The following TPD52L1 variants were observed in gnomAD, a reference collection of about 807,000 sequenced individuals.
TPD52L1 encodes TPD52 like 1, also known as tumor protein D53.
TPD52L1 carries 18 observed loss-of-function variants against 28.7 expected under a neutral mutation model. That is an observed-to-expected ratio of 0.63 (90% CI 0.43 to 0.93). The LOEUF is 0.93. TPD52L1 is among the 40% of genes least tolerant of loss of function. The pLI is 0.00. For missense variants in TPD52L1, 203 were observed against 254.8 expected (o/e 0.80, Z 1.39); for synonymous variants, 75 against 88.8 (o/e 0.84, Z 0.88).
intron 1 of TPD52L1, among the ~76,000 whole-genome samples, chr6:125,189,349 T>A (rs958143669): frequency 2.0e-5 from 3 of 152,212 alleles, no homozygotes; most frequent in Admixed American, 6.5e-5. Context: ...AGGTGACTTA[T>A]GTACAGGCAT....
intron 1 of TPD52L1, among the ~76,000 whole-genome samples, chr6:125,214,053 G>A (rs1794695939): frequency 6.6e-6 from 1 of 152,192 alleles, no homozygotes; most frequent in Non-Finnish European, 1.5e-5. Context: ...GTAGAAGGGA[G>A]CTACCTAATG....
At chr6:125,186,771 G>A in intron 1 of TPD52L1, among the ~76,000 whole-genome samples, 1 of 152,156 alleles carries the variant, frequency 6.6e-6, no homozygotes, top group Non-Finnish European at 1.5e-5. Context: ...CTCAGCCACA[G>A]AAAAGTCAAA....
At chr6:125,156,320 G>A (rs1790115963) in intron 1 of TPD52L1, among the ~76,000 whole-genome samples, 1 of 151,852 alleles carries the variant, frequency 6.6e-6, no homozygotes, top group African/African-American at 2.4e-5. Flanking sequence ...AACAGAATTA[G>A]CTGAGTGTGG....
intron 3 of TPD52L1, among the ~76,000 whole-genome samples, chr6:125,238,706 G>A (rs1796432732): frequency 6.6e-6 from 1 of 152,130 alleles, no homozygotes; most frequent in African/African-American, 2.4e-5. Context: ...GTATTCCATG[G>A]TATGTAGGAA....
At chr6:125,215,610 C>T (rs1794807834) in intron 1 of TPD52L1, among the ~76,000 whole-genome samples, 3 of 152,126 alleles carry the variant, frequency 2.0e-5, no homozygotes, top group Non-Finnish European at 4.4e-5. Flanking sequence ...CGTGATGTCT[C>T]TGAGGAGTGG....
chr6:125,238,888 T>A (rs149812606), intron 3 of TPD52L1, among the ~76,000 whole-genome samples: 151 of 152,370 alleles, frequency 9.9e-4, no homozygotes, highest in African/African-American at 3.5e-3. Context: ...TTGATGGGCA[T>A]GTAAGCTGGT....
intron 1 of TPD52L1, among the ~76,000 whole-genome samples, chr6:125,198,708 T>C (rs1284728705): frequency 6.6e-6 from 1 of 152,248 alleles, no homozygotes; most frequent in East Asian, 1.9e-4. Flanking sequence ...ATTATGAGCA[T>C]GCAGCTGTCT....
At chr6:125,237,339 C>T (rs985762310) in intron 3 of TPD52L1, among the ~76,000 whole-genome samples, 4 of 152,048 alleles carry the variant, frequency 2.6e-5, no homozygotes, top group Admixed American at 2.0e-4. Flanking sequence ...GTGATGATGG[C>T]GGCTTGAACT....
At chr6:125,259,845 T>C (rs1232478410) in intron 6 of TPD52L1, 1 of 152,190 alleles carries the variant, frequency 6.6e-6, no homozygotes, top group Non-Finnish European at 1.5e-5. Context: ...AAGTGACAAA[T>C]ACTTGGATGA....
chr6:125,154,270 C>G (rs1789962670), intron 1 of TPD52L1: 1 of 1,207,180 alleles, frequency 8.3e-7, no homozygotes, highest in African/African-American at 1.6e-5. Context: ...TTCCCAACCT[C>G]GCGGCTGCCC....
At chr6:125,184,710 T>A (rs941533957) in intron 1 of TPD52L1, among the ~76,000 whole-genome samples, 1 of 151,864 alleles carries the variant, frequency 6.6e-6, no homozygotes, top group African/African-American at 2.4e-5. Context: ...ACTTATAGAA[T>A]TGAAAACAAT....
intron 2 of TPD52L1, among the ~76,000 whole-genome samples, chr6:125,224,943 T>C (rs1418208578): frequency 1.3e-5 from 2 of 152,234 alleles, no homozygotes; most frequent in Non-Finnish European, 2.9e-5. Context: ...GCACTCACAG[T>C]GTTGTGTTGT....
chr6:125,172,595 TTATATATATAAA>T (rs1791562795), intron 1 of TPD52L1, among the ~76,000 whole-genome samples: 2 of 99,272 alleles, frequency 2.0e-5, no homozygotes, highest in East Asian at 5.2e-4. Context: ...ATATATACAA[TTATATATATAAA>T]TATATATAAT....
chr6:125,187,573 T>G (rs1207173428), intron 1 of TPD52L1, among the ~76,000 whole-genome samples: 5 of 152,198 alleles, frequency 3.3e-5, no homozygotes, highest in Non-Finnish European at 5.9e-5. Flanking sequence ...CCATGAAATA[T>G]TCAGCAGTCT....
At position 125,172,525 on chromosome 6, in the gene TPD52L1, TATATATATATATATATATATATATATAA is replaced by T. The variant is rs1312836539; in HGVS notation, c.19+18556_19+18583del. Among the ~76,000 whole-genome samples, 2 of 71,198 alleles carry T rather than the reference TATATATATATATATATATATATATATAA, an allele frequency of 2.8e-5. 1 individual carries two copies. Among genetic ancestry groups the T allele is most frequent in the African/African-American group, 1.5e-4 (2 of 13,114 alleles). 46.7% of individuals were successfully genotyped at this position (71,198 alleles called of 152,430 possible). On this transcript the variant is annotated intron_variant, in intron 1 of 6. Coordinates refer to ENST00000534000, the MANE Select transcript of TPD52L1 (RefSeq NM_003287.4). ...CCCTCTTTCATGCTATATATATATATATATATATATATATATATATATATATAATATATATACTATATGGCATGAAATT... is the reference window on the plus strand; with the variant it reads ...CCCTCTTTCATGCTATATATATATATTATATATACTATATGGCATGAAATT...
chr6:125,191,416 A>C (rs188585852), intron 1 of TPD52L1, among the ~76,000 whole-genome samples: 62 of 152,328 alleles, frequency 4.1e-4, no homozygotes, highest in African/African-American at 1.3e-3. Flanking sequence ...CCATCAAAAT[A>C]TGGACTTAAT....
intron 3 of TPD52L1, among the ~76,000 whole-genome samples, chr6:125,244,465 G>A (rs1045107288): frequency 2.0e-5 from 3 of 152,176 alleles, no homozygotes; most frequent in Non-Finnish European, 4.4e-5. Flanking sequence ...TGCCAGGTCA[G>A]CAGGAAAGCT....
intron 2 of TPD52L1, among the ~76,000 whole-genome samples, chr6:125,220,849 C>G (rs1248266788): frequency 6.6e-6 from 1 of 152,170 alleles, no homozygotes; most frequent in Non-Finnish European, 1.5e-5. Flanking sequence ...ACTTTGCTGA[C>G]AAGCCTTTAC....
chr6:125,214,583 C>CT, intron 1 of TPD52L1: 1 of 297,940 alleles, frequency 3.4e-6, no homozygotes, highest in Non-Finnish European at 5.0e-6. Context: ...TCAAAAAAAA[C>CT]TTTTTTCTGC....
Sources: allele counts gnomAD v4.1 joint callset (sites outside exome capture counted in the v4.1 genomes callset), GRCh38; gene constraint gnomAD v4.1.1; transcripts MANE v1.5; gene names NCBI Gene and HGNC (gene_info 2026-07-23, HGNC 2026-07-21).